Variants in LDB2 observed in about 807,000 individuals in gnomAD.
LDB2 encodes LIM domain binding 2.
In LDB2, 12 loss-of-function variants were observed where a neutral mutation model predicts 44.3. That is an observed-to-expected ratio of 0.27 (90% confidence interval 0.17 to 0.44). The LOEUF (loss-of-function observed/expected upper bound fraction) is 0.44. LDB2 is among the 20% of genes least tolerant of loss of function. The pLI is 1.00. For missense variants in LDB2, 344 were observed against 473.5 expected (o/e 0.73, Z 2.54); for synonymous variants, 164 against 174.8 (o/e 0.94, Z 0.49).
chr4:16,778,471 A>ACTGC (rs1349392202), intron 1 of LDB2, among the ~76,000 whole-genome samples: 1 of 151,842 alleles, frequency 6.6e-6, no homozygotes, highest in African/African-American at 2.4e-5. Flanking sequence ...CCCCACTACC[A>ACTGC]CTGCCACCAT....
At chr4:16,719,415 C>T (rs953394033) in intron 2 of LDB2, among the ~76,000 whole-genome samples, 6 of 151,998 alleles carry the variant, frequency 3.9e-5, no homozygotes, top group African/African-American at 9.7e-5. Context: ...TTACTATGTC[C>T]GTTCCACAGA....
In LDB2 at chr4:16,599,952, T is replaced by C. The variant is rs1026458117; in HGVS notation, c.236-4077A>G. Among the ~76,000 whole-genome samples the C allele has an allele frequency of 5.3e-4, 81 of 152,222 alleles. 4 individuals are homozygous for C. On this transcript the variant is annotated intron_variant, in intron 2 of 7. Transcript: ENST00000304523. Reference sequence around the variant, plus strand: ...GAGGTAGCAAGTATTTAAGTATCTATAACATGATGTGATCGCTGATAAAGC... The same window carrying C: ...GAGGTAGCAAGTATTTAAGTATCTACAACATGATGTGATCGCTGATAAAGC...
intron 2 of LDB2, among the ~76,000 whole-genome samples, chr4:16,629,080 G>A (rs1384842213): frequency 1.3e-5 from 2 of 152,204 alleles, no homozygotes; most frequent in East Asian, 3.9e-4. Flanking sequence ...TGAGGCTTGA[G>A]TAGGTGGTTC....
At chr4:16,635,396 T>TC (rs1386743760) in intron 2 of LDB2, among the ~76,000 whole-genome samples, 4 of 151,908 alleles carry the variant, frequency 2.6e-5, no homozygotes, top group Non-Finnish European at 4.4e-5. Context: ...TGGTTGGGAG[T>TC]CAGAGCTTGA....
At chr4:16,586,776 T>C (rs189870116) in intron 4 of LDB2, among the ~76,000 whole-genome samples, 3 of 152,228 alleles carry the variant, frequency 2.0e-5, no homozygotes, top group African/African-American at 7.2e-5. Context: ...TTAAAATGAC[T>C]CTCTTGGTTG....
At chr4:16,695,362 C>G (rs898110766) in intron 2 of LDB2, among the ~76,000 whole-genome samples, 3 of 151,616 alleles carry the variant, frequency 2.0e-5, no homozygotes, top group African/African-American at 7.3e-5. Flanking sequence ...GAAACCCTGT[C>G]TCTACTAAAA....
intron 2 of LDB2, among the ~76,000 whole-genome samples, chr4:16,672,332 A>G (rs1323564290): frequency 6.6e-6 from 1 of 152,188 alleles, no homozygotes; most frequent in African/African-American, 2.4e-5. Context: ...GATGTCTCCA[A>G]TACCCACATT....
At chr4:16,713,823 TGA>T (rs1190591287) in intron 2 of LDB2, among the ~76,000 whole-genome samples, 1 of 152,186 alleles carries the variant, frequency 6.6e-6, no homozygotes, top group East Asian at 1.9e-4. Context: ...TTGATCTGCC[TGA>T]GAGAAAATGT....
intron 1 of LDB2, among the ~76,000 whole-genome samples, chr4:16,783,162 G>A (rs1013243977): frequency 1.3e-5 from 2 of 152,340 alleles, no homozygotes; most frequent in Admixed American, 1.3e-4. Context: ...GAAGGCTTAT[G>A]AACGAGAAGC....
Position 16,839,297 on chromosome 4 carries a change from G to A in LDB2, c.132+59057C>T, listed in dbSNP as rs972355443. Among the ~76,000 whole-genome samples, 5 of 152,322 alleles carry A rather than the reference G, an allele frequency of 3.3e-5. No individual in the cohort carries two copies. In the East Asian group the frequency reaches 7.7e-4, roughly 23 times the overall value. On this transcript the variant is annotated intron_variant, in intron 1 of 7. Coordinates refer to ENST00000304523, the MANE Select transcript of LDB2 (RefSeq NM_001290.5). ...CTTCCATTCATGGCAGAAGGCAAGG[G>A]GAGCCGATGTGTGCAGAGATCACTT...
At chr4:16,802,214 G>A (rs1777969108) in intron 1 of LDB2, among the ~76,000 whole-genome samples, 1 of 152,188 alleles carries the variant, frequency 6.6e-6, no homozygotes, top group Non-Finnish European at 1.5e-5. Context: ...AATGTCTGCA[G>A]GCTCCATCCC....
intron 2 of LDB2, among the ~76,000 whole-genome samples, chr4:16,614,987 G>A (rs1336491317): frequency 1.2e-4 from 18 of 145,520 alleles, no homozygotes; most frequent in African/African-American, 3.8e-4. Context: ...GGAGAATGGC[G>A]TGAACCCGGG....
chr4:16,819,063 T>G (rs1781455120), intron 1 of LDB2, among the ~76,000 whole-genome samples: 1 of 150,854 alleles, frequency 6.6e-6, no homozygotes, highest in East Asian at 2.0e-4. Flanking sequence ...GAGTACTGCT[T>G]GTGAATCTTT....
intron 2 of LDB2, among the ~76,000 whole-genome samples, chr4:16,641,380 T>C (rs1022350727): frequency 6.6e-6 from 1 of 152,128 alleles, no homozygotes; most frequent in African/African-American, 2.4e-5. Context: ...GCACGGTAAC[T>C]GTGTTAGTCT....
At chr4:16,553,398 G>A (rs1487931967) in intron 5 of LDB2, among the ~76,000 whole-genome samples, 1 of 152,106 alleles carries the variant, frequency 6.6e-6, no homozygotes, top group African/African-American at 2.4e-5. Flanking sequence ...CTGGCCTCAA[G>A]CACTCCTCCC....
intron 5 of LDB2, among the ~76,000 whole-genome samples, chr4:16,578,245 A>G (rs940871536): frequency 3.9e-5 from 6 of 152,204 alleles, no homozygotes; most frequent in African/African-American, 1.4e-4. Flanking sequence ...AGCAAAGGAA[A>G]CAATCAACAA....
chr4:16,839,624 C>A (rs992596563), intron 1 of LDB2, among the ~76,000 whole-genome samples: 1 of 152,122 alleles, frequency 6.6e-6, no homozygotes, highest in South Asian at 2.1e-4. Flanking sequence ...GTTAAGTAAT[C>A]TGTCAAGAGT....
intron 1 of LDB2, among the ~76,000 whole-genome samples, chr4:16,892,041 G>T (rs1723566492): frequency 6.6e-6 from 1 of 152,124 alleles, no homozygotes; most frequent in Admixed American, 6.5e-5. Context: ...GATCATGAGG[G>T]TTACTTGAGC....
intron 1 of LDB2, among the ~76,000 whole-genome samples, chr4:16,854,786 A>G (rs770320099): frequency 6.6e-6 from 1 of 151,742 alleles, no homozygotes; most frequent in Non-Finnish European, 1.5e-5. Flanking sequence ...GATATACGCT[A>G]TATTAATGAA....
Sources: allele counts gnomAD v4.1 joint callset (sites outside exome capture counted in the v4.1 genomes callset), GRCh38; gene constraint gnomAD v4.1.1; transcripts MANE v1.5; gene names NCBI Gene and HGNC (gene_info 2026-07-23, HGNC 2026-07-21).